CLMN: variants seen among roughly 807,000 people sequenced by gnomAD.
CLMN encodes the protein calmin (calponin-like, transmembrane).
In CLMN, 57 loss-of-function variants were observed where a neutral mutation model predicts 92.7. The observed-to-expected ratio is 0.61, with a 90% confidence interval of 0.50 to 0.77. The LOEUF is 0.77. Among genes scored for constraint, CLMN ranks in the 30% least tolerant of loss-of-function variants. The pLI, the probability that CLMN is intolerant of heterozygous loss-of-function variation, is 0.00. For missense variants in CLMN, 1,158 were observed against 1,237.5 expected, an observed-to-expected ratio of 0.94 and a Z score of 0.96; for synonymous variants, 466 against 470.6, an observed-to-expected ratio of 0.99 and a Z score of 0.13.
chr14:95,267,258 A>G (rs1899508198), intron 1 of CLMN, among the ~76,000 whole-genome samples: 1 of 152,246 alleles, frequency 6.6e-6, no homozygotes, highest in African/African-American at 2.4e-5. Flanking sequence ...AATGGGAGAA[A>G]ATATTTGCAA....
At chr14:95,253,617 G>T (rs112263979) in intron 1 of CLMN, among the ~76,000 whole-genome samples, 30,221 of 139,838 alleles carry the variant, frequency 0.22, 3,634 homozygotes, top group African/African-American at 0.38. Context: ...TTGTTTTTTT[G>T]TTTTTTTTTT....
intron 4 of CLMN, among the ~76,000 whole-genome samples, chr14:95,215,938 A>G (rs1046275142): frequency 6.6e-6 from 1 of 152,160 alleles, no homozygotes; most frequent in Non-Finnish European, 1.5e-5. Flanking sequence ...TAATTAACAC[A>G]TACACAGCAC....
chr14:95,203,699 T>G lies in CLMN; in HGVS notation c.1650A>C (p.Leu550Phe), dbSNP rs762824175. The G allele has an allele frequency of 3.7e-6, 6 of 1,614,174 alleles. No homozygotes were observed. Among genetic ancestry groups the G allele is most frequent in the Non-Finnish European group, 4.2e-6 (5 of 1,180,028 alleles). The change falls in exon 9 of 13, where the codon TTA (leucine) becomes TTC (phenylalanine). Residue 550 changes from leucine to phenylalanine, a missense_variant. Coordinates refer to ENST00000298912, the MANE Select transcript of CLMN (RefSeq NM_024734.4). ...TGGCTTCAAAATAGTCTCCCTCCTC[T>G]AAAGCTTCTACAGTCATCAGGTTAA... ...IKVNLMTVEALEEGDYFEAIP... is the reference protein window; with the variant it reads ...IKVNLMTVEAFEEGDYFEAIP...
intron 2 of CLMN, among the ~76,000 whole-genome samples, chr14:95,227,485 G>C (rs1440974392): frequency 6.6e-6 from 1 of 152,198 alleles, no homozygotes; most frequent in African/African-American, 2.4e-5. Context: ...CAGAAAACGC[G>C]AGACCCGAAC....
intron 4 of CLMN, among the ~76,000 whole-genome samples, chr14:95,220,960 G>T (rs1338607478): frequency 2.6e-5 from 4 of 152,320 alleles, no homozygotes; most frequent in African/African-American, 9.6e-5. Context: ...AAGTCATTCT[G>T]TGGCTACTCG....
chr14:95,307,206 G>A (rs1313044446), intron 1 of CLMN, among the ~76,000 whole-genome samples: 3 of 152,162 alleles, frequency 2.0e-5, no homozygotes, highest in African/African-American at 7.2e-5. Flanking sequence ...ACTAAAAACA[G>A]GCTCAAATCC....
Position 95,215,627 on chromosome 14 carries a change from A to G in CLMN, c.417+14T>C, listed in dbSNP as rs771109880. The G allele has an allele frequency of 1.4e-5, 22 of 1,608,914 alleles. No individual in the cohort carries two copies. In the East Asian group the frequency reaches 2.5e-4, roughly 18 times the overall value. ...AGATCATGATTGTGTGTTTTGGAAA[A>G]GAAATGATCTTACCTGGAAGAAGAG... On this transcript the variant is annotated intron_variant, in intron 5 of 12. Coordinates refer to ENST00000298912, the MANE Select transcript of CLMN (RefSeq NM_024734.4).
At chr14:95,195,187 G>A (rs1237420654) in intron 10 of CLMN, among the ~76,000 whole-genome samples, 1 of 152,230 alleles carries the variant, frequency 6.6e-6, no homozygotes. Flanking sequence ...CATAGTGGCT[G>A]CTCAAGGACT....
chr14:95,297,559 G>T (rs1900856861), intron 1 of CLMN, among the ~76,000 whole-genome samples: 1 of 152,046 alleles, frequency 6.6e-6, no homozygotes, highest in Non-Finnish European at 1.5e-5. Context: ...TCCATTTTTT[G>T]TCCTGATAAT....
chr14:95,213,299 C>T lies in CLMN; in HGVS notation c.528G>A (p.Glu176=). ...CTTTCACCGATATTGCCACGCTCCTCTCTGCAGTGGGTGTGGGTGGGAAGG... is the reference window on the plus strand; with the variant it reads ...CTTTCACCGATATTGCCACGCTCCTTTCTGCAGTGGGTGTGGGTGGGAAGG... ...DSSFPPTPTA[E]RSVAISVKDQ... is the part of the protein sequence containing the mutation. The change falls in exon 6 of 13, where the codon GAG becomes GAA. Residue 176 remains glutamate (E), a synonymous_variant. Transcript: ENST00000298912. The T allele has an allele frequency of 6.2e-7, 1 of 1,614,060 alleles. No homozygotes were observed. The highest frequency in any genetic ancestry group is 8.5e-7 in the Non-Finnish European group (1 of 1,179,988).
intron 2 of CLMN, among the ~76,000 whole-genome samples, chr14:95,225,418 G>A (rs1367157337): frequency 6.6e-6 from 1 of 152,216 alleles, no homozygotes; most frequent in Non-Finnish European, 1.5e-5. Context: ...CCTCGTCAGA[G>A]GACTGGGCTG....
chr14:95,266,517 C>A (rs1254859836), intron 1 of CLMN, among the ~76,000 whole-genome samples: 2 of 151,980 alleles, frequency 1.3e-5, no homozygotes, highest in Non-Finnish European at 2.9e-5. Context: ...ACAAGGAAAA[C>A]TATAAAACAC....
chr14:95,299,824 A>G (rs751594379), intron 1 of CLMN, among the ~76,000 whole-genome samples: 31 of 152,038 alleles, frequency 2.0e-4, no homozygotes, highest in African/African-American at 7.5e-4. Flanking sequence ...CCTCATTTTC[A>G]TTCTCGCCTT....
At chr14:95,317,456 A>C (rs1479487215) in intron 1 of CLMN, among the ~76,000 whole-genome samples, 1 of 152,202 alleles carries the variant, frequency 6.6e-6, no homozygotes, top group Non-Finnish European at 1.5e-5. Context: ...TAATAGCCCC[A>C]AACTGCACAC....
intron 6 of CLMN, 26 bp downstream of exon 6, chr14:95,213,193 G>C: frequency 6.2e-7 from 1 of 1,608,832 alleles, no homozygotes; most frequent in Non-Finnish European, 8.5e-7. Context: ...AAATGAAGTA[G>C]TGTGGGGAGA....
chr14:95,236,634 T>C (rs1478515152), intron 1 of CLMN, among the ~76,000 whole-genome samples: 1 of 152,166 alleles, frequency 6.6e-6, no homozygotes, highest in African/African-American at 2.4e-5. Context: ...CAGAGGCCAT[T>C]GGGGGGCCTG....
Position 95,222,294 on chromosome 14 carries a change from G to A in CLMN, c.241-520C>T, listed in dbSNP as rs150175099. The A allele has an allele frequency of 5.5e-5, 13 of 235,426 alleles. No homozygotes were observed. In the East Asian group the frequency reaches 1.6e-3, roughly 29 times the overall value. 14.6% of individuals were successfully genotyped at this position (235,426 alleles called of 1,614,324 possible). On this transcript the variant is annotated intron_variant, in intron 3 of 12. Coordinates refer to ENST00000298912, the MANE Select transcript of CLMN (RefSeq NM_024734.4). The stretch of plus-strand genomic sequence containing the variant: ...AAGAGTTTTGTGGACAGTTATCCCA[G>A]GTCGAAAGAGAGAAAGAGAGAGAAA...
Position 95,191,924 on chromosome 14 carries a change from C to G in CLMN, c.2841-192G>C, listed in dbSNP as rs1171827282. Reference sequence around the variant, plus strand: ...GCAGTGCGTCGGGCCATCCAGGCAGCCCCTCGAGCTTTTGCACGTACTCCG... The same window carrying G: ...GCAGTGCGTCGGGCCATCCAGGCAGGCCCTCGAGCTTTTGCACGTACTCCG... On this transcript the variant is annotated intron_variant, in intron 12 of 12. Coordinates refer to ENST00000298912, the MANE Select transcript of CLMN (RefSeq NM_024734.4). The surrounding 1 kb of genome is among the most constrained non-coding windows in gnomAD (Gnocchi z 5.3). The G allele has an allele frequency of 4.0e-6, 2 of 497,518 alleles. No homozygotes were observed. The highest frequency in any genetic ancestry group is 7.1e-6 in the Non-Finnish European group (2 of 283,338). 30.8% of individuals were successfully genotyped at this position (497,518 alleles called of 1,614,324 possible).
In CLMN at chr14:95,259,770, C is replaced by T. The variant is rs183415646; in HGVS notation, c.83-29637G>A. ...CTCAAAACCATGGCATGCATAACCC[C>T]TCAAAGGTTCTTCTTCACTCAGGAC... On this transcript the variant is annotated intron_variant, in intron 1 of 12. Coordinates refer to ENST00000298912, the MANE Select transcript of CLMN (RefSeq NM_024734.4). The surrounding 1 kb of genome is among the most constrained non-coding windows in gnomAD (Gnocchi z 4.3). Among the ~76,000 whole-genome samples, 59 of 152,262 alleles carry T rather than the reference C, an allele frequency of 3.9e-4. No individual in the cohort carries two copies. In the East Asian group the frequency reaches 7.5e-3, roughly 19 times the overall value.
Sources: allele counts gnomAD v4.1 joint callset (sites outside exome capture counted in the v4.1 genomes callset), GRCh38; gene constraint gnomAD v4.1.1; non-coding constraint Gnocchi (gnomAD v3.1); transcripts MANE v1.5; gene names NCBI Gene and HGNC (gene_info 2026-07-23, HGNC 2026-07-21).